Variants in ZNF705B observed in about 807,000 individuals in gnomAD.
ZNF705B encodes Putative zinc finger protein 705D-like protein LOC100132396.
Under a neutral mutation model 10.5 loss-of-function variants are expected in ZNF705B, and 1 was observed. The ratio of observed to expected loss-of-function variants is 0.10; its 90% confidence interval spans 0.03 to 0.45. The LOEUF is 0.45. Among genes scored for constraint, ZNF705B ranks in the 20% least tolerant of loss-of-function variants. The pLI, the probability that ZNF705B is intolerant of heterozygous loss-of-function variation, is 0.97. For synonymous variants in ZNF705B, 4 were observed against 25.4 expected (o/e 0.16, Z 2.53); for missense variants, 14 against 84.0 (o/e 0.17, Z 3.26).
In ZNF705B at chr8:7,936,459, A is replaced by G. The variant is rs1237422771; in HGVS notation, c.-72+6023A>G. Among the ~76,000 whole-genome samples the G allele has an allele frequency of 1.8e-4, 21 of 118,292 alleles. 3 individuals are homozygous for G. Among genetic ancestry groups the G allele is most frequent in the African/African-American group, 4.9e-4 (19 of 39,006 alleles). The allele number at this position is 118,292 out of a possible 152,430, so 77.6% of individuals were successfully genotyped here. A position where few individuals can be genotyped will look rare whatever the true frequency, so the allele number is the denominator to read the frequency against. ...CAGTGGTATTCACAGTAGCAAAGGTATGGAATCAAACTAGGTGTTCATCAA... is the reference window on the plus strand; with the variant it reads ...CAGTGGTATTCACAGTAGCAAAGGTGTGGAATCAAACTAGGTGTTCATCAA... On this transcript the variant is annotated intron_variant, in intron 2 of 6. Transcript: ENST00000400120.
intron 1 of ZNF705B, among the ~76,000 whole-genome samples, chr8:7,929,057 C>T (rs1193434542): frequency 8.3e-6 from 1 of 121,004 alleles, no homozygotes; most frequent in South Asian, 2.7e-4. Context: ...ATCCATGTAA[C>T]AAAAAACTAT....
At position 7,932,720 on chromosome 8, in the gene ZNF705B, ATAACT is replaced by A. The variant is rs565963718; in HGVS notation, c.-72+2289_-72+2293del. Among the ~76,000 whole-genome samples the A allele has an allele frequency of 6.7e-5, 8 of 119,262 alleles. 1 individual carries two copies. In the East Asian group the frequency reaches 1.9e-3, roughly 29 times the overall value. 78.2% of individuals were successfully genotyped at this position (119,262 alleles called of 152,430 possible). On this transcript the variant is annotated intron_variant, in intron 2 of 6. Transcript: ENST00000400120. ...TGAGATTTCGAGTAGTCCATGTGAC[ATAACT>A]TAACATTGTTTCTTGGCCAAATCAG... is the stretch of plus-strand genomic sequence containing the variant.
At chr8:7,937,031 T>G (rs1170026472) in intron 2 of ZNF705B, among the ~76,000 whole-genome samples, 1 of 119,140 alleles carries the variant, frequency 8.4e-6, no homozygotes, top group Non-Finnish European at 2.0e-5. Context: ...TTGTGGACAC[T>G]ATGTCTTTTC....
chr8:7,937,874 C>G (rs1820057545), intron 2 of ZNF705B, among the ~76,000 whole-genome samples: 1 of 102,436 alleles, frequency 9.8e-6, no homozygotes, highest in East Asian at 2.9e-4. Context: ...TTGGGAAAAA[C>G]AGTTCAGTTT....
intron 2 of ZNF705B, among the ~76,000 whole-genome samples, chr8:7,936,985 A>G (rs1315391596): frequency 8.3e-6 from 1 of 120,508 alleles, no homozygotes; most frequent in African/African-American, 2.5e-5. Context: ...TTTCGTTTTC[A>G]TTTGTTCTTT....
chr8:7,938,557 TA>T (rs1820076489), intron 2 of ZNF705B, among the ~76,000 whole-genome samples: 1 of 144,684 alleles, frequency 6.9e-6, no homozygotes, highest in Admixed American at 7.0e-5. Context: ...TATGGAGAAT[TA>T]ACGAATTAGA....
chr8:7,945,037 T>C (rs1356370377), intron 2 of ZNF705B, among the ~76,000 whole-genome samples: 5 of 34,672 alleles, frequency 1.4e-4, no homozygotes, highest in African/African-American at 2.7e-4. Context: ...GGCTCTCATC[T>C]TGAAGTCACC....
At chr8:7,928,178 T>C (rs1325358598) in intron 1 of ZNF705B, among the ~76,000 whole-genome samples, 1 of 111,372 alleles carries the variant, frequency 9.0e-6, no homozygotes, top group Non-Finnish European at 2.1e-5. Context: ...TTCAGGCCTC[T>C]TTTATAAGGG....
At chr8:7,927,404 T>C (rs1819722359) in intron 1 of ZNF705B, among the ~76,000 whole-genome samples, 1 of 121,396 alleles carries the variant, frequency 8.2e-6, no homozygotes, top group Admixed American at 9.3e-5. Context: ...CATTTGCATT[T>C]CTCTAATGAC....
At chr8:7,937,717 C>T (rs1354219911) in intron 2 of ZNF705B, among the ~76,000 whole-genome samples, 7 of 104,106 alleles carry the variant, frequency 6.7e-5, no homozygotes, top group South Asian at 3.7e-4. Context: ...TGTGTGCTAC[C>T]GAGTTAATAT....
chr8:7,927,663 A>G (rs1456629223), intron 1 of ZNF705B, among the ~76,000 whole-genome samples: 23 of 131,046 alleles, frequency 1.8e-4, no homozygotes, highest in African/African-American at 5.7e-4. Context: ...GAGACACTGG[A>G]GCTTTGAAAG....
chr8:7,935,595 G>A (rs1266263137), intron 2 of ZNF705B, among the ~76,000 whole-genome samples: 37 of 123,774 alleles, frequency 3.0e-4, no homozygotes, highest in African/African-American at 8.9e-4. Context: ...TTCAATAAAT[G>A]CCTATTTAAT....
In ZNF705B at chr8:7,928,918, A is replaced by G. The variant is rs1264374802; in HGVS notation, c.-221-1369A>G. On this transcript the variant is annotated intron_variant, in intron 1 of 6. Transcript: ENST00000400120. ...GGTATGAGTACAAAAAGGAATACAG[A>G]GTGATATGATGGATTTTAGAGACTC... 3.6e-5 allele frequency among the ~76,000 whole-genome samples: 4 copies of G among 109,720 alleles called. 1 individual carries two copies. Among genetic ancestry groups the G allele is most frequent in the Non-Finnish European group, 6.6e-5 (3 of 45,746 alleles). The allele number at this position is 109,720 out of a possible 152,430, so 72.0% of individuals were successfully genotyped here.
At chr8:7,935,904 G>A (rs1214128773) in intron 2 of ZNF705B, among the ~76,000 whole-genome samples, 5 of 91,154 alleles carry the variant, frequency 5.5e-5, no homozygotes, top group African/African-American at 1.4e-4. Context: ...TGCTAAAATT[G>A]GCCCTTTGCA....
intron 1 of ZNF705B, among the ~76,000 whole-genome samples, chr8:7,928,924 A>G (rs1445923765): frequency 9.1e-6 from 1 of 110,490 alleles, no homozygotes; most frequent in Non-Finnish European, 2.2e-5. Context: ...ACAGAGTGAT[A>G]TGATGGATTT....
At chr8:7,932,346 C>A (rs562363299) in intron 2 of ZNF705B, among the ~76,000 whole-genome samples, 4 of 121,210 alleles carry the variant, frequency 3.3e-5, no homozygotes, top group Non-Finnish European at 7.9e-5. Context: ...AATTCTAGTG[C>A]CCTCTTTCGT....
chr8:7,931,259 C>A lies in ZNF705B; in HGVS notation c.-72+823C>A, dbSNP rs559741635. 1.7e-4 allele frequency among the ~76,000 whole-genome samples: 21 copies of A among 121,208 alleles called. 6 individuals are homozygous for A. The East Asian group carries it at 4.7e-3, about 27-fold the overall frequency. The allele number at this position is 121,208 out of a possible 152,430, so 79.5% of individuals were successfully genotyped here. ...GCAGTAGTCATAGCAGGTCAACTCT[C>A]GTGACCCCAGATGGCATGTGCAGAC... On this transcript the variant is annotated intron_variant, in intron 2 of 6. Transcript: ENST00000400120.
At chr8:7,928,509 G>T (rs1418206386) in intron 1 of ZNF705B, among the ~76,000 whole-genome samples, 12 of 120,168 alleles carry the variant, frequency 1.0e-4, no homozygotes, top group African/African-American at 3.0e-4. Flanking sequence ...TCACAGTGTA[G>T]AGAAGGAGAG....
intron 2 of ZNF705B, among the ~76,000 whole-genome samples, chr8:7,937,537 G>T (rs1378398138): frequency 8.6e-6 from 1 of 116,872 alleles, no homozygotes. Flanking sequence ...TTGATTAAAA[G>T]CATTGATTTT....
Sources: allele counts gnomAD v4.1 joint callset (sites outside exome capture counted in the v4.1 genomes callset), GRCh38; gene constraint gnomAD v4.1.1; transcripts MANE v1.5; gene names NCBI Gene and HGNC (gene_info 2026-07-23, HGNC 2026-07-21).